ASMTL: variants seen among roughly 807,000 people sequenced by gnomAD.
The protein encoded by ASMTL is acetylserotonin O-methyltransferase like, also known as probable bifunctional dTTP/UTP pyrophosphatase/methyltransferase protein.
A neutral mutation model predicts 60.3 loss-of-function variants in ASMTL; 57 were observed. The observed-to-expected ratio is 0.95, with a 90% CI of 0.76 to 1.18. ASMTL has a LOEUF of 1.18. ASMTL is among the 50% of genes most tolerant of loss of function. The pLI is 0.00. For missense variants in ASMTL, 981 were observed against 852.6 expected (o/e 1.15, Z -1.88); for synonymous variants, 419 against 373.0 (o/e 1.12, Z -1.42).
intron 1 of ASMTL, among the ~76,000 whole-genome samples, chrX:1,450,089 G>A (rs1418335452): frequency 6.7e-6 from 1 of 148,404 alleles, no homozygotes; most frequent in Non-Finnish European, 1.5e-5. Flanking sequence ...CCCATCACCA[G>A]TAACTATCCC....
rs773559071 is a variant in ASMTL, at chrX:1,439,051, A to G, written c.273+46T>C. 57 of 1,604,234 alleles carry G rather than the reference A, an allele frequency of 3.6e-5. No homozygotes were observed. The South Asian group carries it at 5.7e-4, about 16-fold the overall frequency. Reference sequence around the variant, plus strand: ...AAGAGGCAGAATCACCAAGCACAGGAAAACCACATCGGACATTAGAAACGA... The same window carrying G: ...AAGAGGCAGAATCACCAAGCACAGGGAAACCACATCGGACATTAGAAACGA... On this transcript the variant is annotated intron_variant, in intron 3 of 12. Coordinates refer to ENST00000381317, the MANE Select transcript of ASMTL (RefSeq NM_004192.4).
At chrX:1,450,498 C>CCA in intron 1 of ASMTL, among the ~76,000 whole-genome samples, 1 of 149,190 alleles carries the variant, frequency 6.7e-6, no homozygotes, top group Non-Finnish European at 1.5e-5. Flanking sequence ...TCTCCCCTCC[C>CCA]TTATCCCTAG....
intron 1 of ASMTL, among the ~76,000 whole-genome samples, chrX:1,447,176 C>T (rs2091245277): frequency 6.6e-6 from 1 of 152,228 alleles, no homozygotes; most frequent in African/African-American, 2.4e-5. Flanking sequence ...GTAATAACCA[C>T]CTCCCTCAGC....
chrX:1,423,084 C>T (rs1393166576), intron 8 of ASMTL, among the ~76,000 whole-genome samples: 5 of 152,112 alleles, frequency 3.3e-5, no homozygotes, highest in African/African-American at 1.2e-4. Context: ...TCCCGAGTAG[C>T]TGGGACTACA....
At chrX:1,411,051 G>C (rs2089999083) in intron 12 of ASMTL, among the ~76,000 whole-genome samples, 1 of 150,044 alleles carries the variant, frequency 6.7e-6, no homozygotes, top group African/African-American at 2.5e-5. Flanking sequence ...CGGGCGTGGT[G>C]GTATGTGCCA....
At chrX:1,416,011 A>G (rs369635668) in intron 11 of ASMTL, among the ~76,000 whole-genome samples, 3,881 of 145,740 alleles carry the variant, frequency 0.027, 120 homozygotes, top group African/African-American at 0.08. Flanking sequence ...CAAGACAGGC[A>G]CACACACACA....
At chrX:1,451,133 C>T (rs1352210828) in intron 1 of ASMTL, among the ~76,000 whole-genome samples, 1 of 147,288 alleles carries the variant, frequency 6.8e-6, no homozygotes, top group Non-Finnish European at 1.5e-5. Flanking sequence ...TCTCCCCTCC[C>T]CATTCCTAGG....
At chrX:1,431,728 C>G (rs1392173223) in intron 6 of ASMTL, among the ~76,000 whole-genome samples, 18 of 148,830 alleles carry the variant, frequency 1.2e-4, no homozygotes. Flanking sequence ...AAATATATAT[C>G]ATGTTACATT....
At chrX:1,404,547 G>A (rs1453355178) in intron 12 of ASMTL, among the ~76,000 whole-genome samples, 1 of 151,756 alleles carries the variant, frequency 6.6e-6, no homozygotes, top group East Asian at 1.9e-4. Context: ...TAGATGAATG[G>A]ATGGATAGAT....
intron 5 of ASMTL, among the ~76,000 whole-genome samples, chrX:1,432,895 C>T (rs1430095733): frequency 1.3e-5 from 2 of 152,338 alleles, no homozygotes; most frequent in Admixed American, 1.3e-4. Context: ...GCCAGGGGTT[C>T]GAGACCAGCC....
intron 5 of ASMTL, 49 bp downstream of exon 5, chrX:1,434,973 G>A (rs371243592): frequency 8.0e-5 from 129 of 1,606,112 alleles, no homozygotes; most frequent in South Asian, 6.7e-4. Context: ...AATGTCCCGG[G>A]TCCTTGTCTC....
At chrX:1,442,423 G>A (rs745848190) in intron 1 of ASMTL, 106 bp from the exon 2 acceptor site, 24 of 1,312,798 alleles carry the variant, frequency 1.8e-5, no homozygotes, top group Admixed American at 1.4e-4. Context: ...TACACTCCCC[G>A]ACCCTGTCCC....
intron 5 of ASMTL, among the ~76,000 whole-genome samples, chrX:1,434,008 G>A (rs182966422): frequency 6.6e-5 from 10 of 152,308 alleles, no homozygotes; most frequent in African/African-American, 2.4e-4. Flanking sequence ...TATGGGGCTG[G>A]GATTGTGCGT....
In ASMTL at chrX:1,427,858, T is replaced by C. The variant is rs1254987134; in HGVS notation, c.773A>G (p.Glu258Gly). The C allele has an allele frequency of 6.2e-7, 1 of 1,613,326 alleles. No individual in the cohort carries two copies. The highest frequency in any genetic ancestry group is 8.5e-7 in the Non-Finnish European group (1 of 1,179,854). ...TCCCGCCTCTCCCGCCTCGGCCTTC[T>C]CATCGCGGCTGCCCGCGTCCCTCTG... is the stretch of plus-strand genomic sequence containing the variant. ...PTQRDAGSRD[E>G]KAEAGEAGQA... The change falls in exon 7 of 13, where the codon GAG (glutamate) becomes GGG (glycine). Residue 258 changes from glutamate (E) to glycine (G), a missense_variant. Coordinates refer to ENST00000381317, the MANE Select transcript of ASMTL (RefSeq NM_004192.4).
intron 1 of ASMTL, among the ~76,000 whole-genome samples, chrX:1,450,941 G>C (rs1211477054): frequency 4.9e-5 from 7 of 141,896 alleles, no homozygotes; most frequent in Non-Finnish European, 1.5e-5. Context: ...GGGGGTCCTG[G>C]CTCACTCTCC....
chrX:1,431,397 T>C (rs1194445212), intron 6 of ASMTL, among the ~76,000 whole-genome samples: 2 of 136,344 alleles, frequency 1.5e-5, no homozygotes, highest in African/African-American at 5.3e-5. Context: ...CTACCTATTA[T>C]ATAATCTATT....
intron 8 of ASMTL, among the ~76,000 whole-genome samples, chrX:1,422,165 T>A (rs1316734117): frequency 6.6e-6 from 1 of 152,148 alleles, no homozygotes; most frequent in Admixed American, 6.6e-5. Flanking sequence ...AAGTTCCCAG[T>A]TATGCAGGCA....
intron 6 of ASMTL, among the ~76,000 whole-genome samples, chrX:1,431,217 T>C (rs2090773318): frequency 7.9e-6 from 1 of 126,058 alleles, no homozygotes; most frequent in African/African-American, 3.1e-5. Flanking sequence ...TAATTAATTA[T>C]ATATAATTAT....
chrX:1,432,614 G>C (rs1436047642), intron 5 of ASMTL, among the ~76,000 whole-genome samples: 7 of 152,204 alleles, frequency 4.6e-5, no homozygotes, highest in Non-Finnish European at 8.8e-5. Flanking sequence ...TGGATCACGA[G>C]GTCAGGAGTT....
Sources: allele counts gnomAD v4.1 joint callset (sites outside exome capture counted in the v4.1 genomes callset), GRCh38; gene constraint gnomAD v4.1.1; transcripts MANE v1.5; gene names NCBI Gene and HGNC (gene_info 2026-07-23, HGNC 2026-07-21).